The following HSPBP1 variants were observed in gnomAD, a reference collection of about 807,000 sequenced individuals.
The protein encoded by HSPBP1 is HSPA (Hsp70) binding protein 1.
Under a neutral mutation model 41.7 loss-of-function variants are expected in HSPBP1, and 31 were observed. The observed-to-expected ratio is 0.74, with a 90% CI of 0.56 to 1.00. HSPBP1 has a LOEUF of 1.00. Among genes scored for constraint, HSPBP1 ranks in the 50% least tolerant of loss-of-function variants. HSPBP1 has a pLI of 0.00. For synonymous variants in HSPBP1, 199 were observed against 214.4 expected, an observed-to-expected ratio of 0.93 and a Z score of 0.63; for missense variants, 439 against 487.9, an observed-to-expected ratio of 0.90 and a Z score of 0.94.
rs2087881312 is a variant in HSPBP1, at chr19:55,270,077, G to GCAT, written c.641-3792_641-3791insATG. 6.6e-6 allele frequency among the ~76,000 whole-genome samples: 1 copy of GCAT among 152,102 alleles called. No homozygotes were observed. Among genetic ancestry groups the GCAT allele is most frequent in the Admixed American group, 6.6e-5 (1 of 15,256 alleles). On this transcript the variant is annotated intron_variant, in intron 4 of 7. Coordinates refer to ENST00000433386, the MANE Select transcript of HSPBP1 (RefSeq NM_012267.5). This position sits in a 1 kb window ranked among gnomAD's most constrained non-coding sequence, Gnocchi z 5.4. Reference sequence around the variant, plus strand: ...GCACGGAACTCCAGTAATGGTACTGGACAGCCACACAATGGCATACCCTGC... The same window carrying GCAT: ...GCACGGAACTCCAGTAATGGTACTGGCATACAGCCACACAATGGCATACCCTGC...
At chr19:55,262,755 C>G in intron 7 of HSPBP1, 73 bp from the exon 8 acceptor site, 1 of 1,428,158 alleles carries the variant, frequency 7.0e-7, no homozygotes. Flanking sequence ...ATTCTTGGCA[C>G]CCAGAGGTGA....
At chr19:55,263,834 C>G (rs9676742) in intron 7 of HSPBP1, among the ~76,000 whole-genome samples, 2,985 of 152,242 alleles carry the variant, frequency 0.02, 107 homozygotes, top group African/African-American at 0.068. Context: ...CACTGTTTAC[C>G]CTCCTGCGGG....
intron 7 of HSPBP1, among the ~76,000 whole-genome samples, chr19:55,263,954 C>A (rs80323900): frequency 0.086 from 12,959 of 150,482 alleles, 599 homozygotes; most frequent in East Asian, 0.13. Context: ...GTCAAAACTT[C>A]TCATGTAGTA....
chr19:55,265,851 AC>A, intron 6 of HSPBP1, 34 bp downstream of exon 6: 1 of 1,453,416 alleles, frequency 6.9e-7, no homozygotes, highest in Non-Finnish European at 9.2e-7. Flanking sequence ...CGGGGCCCCC[AC>A]CCCAGGCCCC....
chr19:55,264,469 TTTG>T (rs1372331116), intron 7 of HSPBP1, among the ~76,000 whole-genome samples: 1 of 152,212 alleles, frequency 6.6e-6, no homozygotes, highest in Non-Finnish European at 1.5e-5. Flanking sequence ...TGATTTAGCA[TTTG>T]TTACTTATCT....
intron 3 of HSPBP1, 138 bp downstream of exon 3, chr19:55,277,504 G>T: frequency 1.2e-6 from 1 of 847,058 alleles, no homozygotes; most frequent in Non-Finnish European, 1.9e-6. Flanking sequence ...GCTCCTTATG[G>T]CAATGGAGGC....
chr19:55,265,440 T>A, intron 6 of HSPBP1, 51 bp from the exon 7 acceptor site: 1 of 1,429,354 alleles, frequency 7.0e-7, no homozygotes, highest in Non-Finnish European at 9.9e-7. Flanking sequence ...GAGGCCTCAC[T>A]GACCCAACCC....
At chr19:55,271,030 C>A (rs547023321) in intron 4 of HSPBP1, among the ~76,000 whole-genome samples, 200 of 152,142 alleles carry the variant, frequency 1.3e-3, no homozygotes, top group African/African-American at 4.7e-3. Context: ...ACACATCACA[C>A]ACACACCACA....
Position 55,279,575 on chromosome 19 carries a change from G to C in HSPBP1, c.34C>G (p.Pro12Ala), listed in dbSNP as rs2088176566. ...TGGGAGGCCGGGGGCAGCGCCAGGGGCAGGCGGCTCCCCCTTGAGCCTTCG... is the reference window on the plus strand; with the variant it reads ...TGGGAGGCCGGGGGCAGCGCCAGGGCCAGGCGGCTCCCCCTTGAGCCTTCG... ...SDEGSRGSRL[P>A]LALPPASQGC... The change falls in exon 2 of 8, where the codon CCC (proline) becomes GCC (alanine). Residue 12 changes from proline to alanine, a missense_variant. Physicochemically the swap from Pro to Ala is conservative, Grantham distance 27. Coordinates refer to ENST00000433386, the MANE Select transcript of HSPBP1 (RefSeq NM_012267.5). 6.2e-7 allele frequency: 1 copy of C among 1,601,004 alleles called. No individual in the cohort carries two copies. The highest frequency in any genetic ancestry group is 8.5e-7 in the Non-Finnish European group (1 of 1,174,256).
chr19:55,266,320 C>A, intron 4 of HSPBP1, 34 bp from the exon 5 acceptor site: 1 of 1,519,626 alleles, frequency 6.6e-7, no homozygotes, highest in Non-Finnish European at 8.9e-7. Context: ...AGCTTGCAGT[C>A]ACCACCACCA....
intron 2 of HSPBP1, among the ~76,000 whole-genome samples, chr19:55,278,568 G>A (rs1170696093): frequency 3.9e-5 from 6 of 152,204 alleles, no homozygotes; most frequent in South Asian, 2.1e-4. Flanking sequence ...CAGAAAGGTT[G>A]AGACTTACCC....
At position 55,270,355 on chromosome 19, in the gene HSPBP1, C is replaced by A. The variant is rs533518605; in HGVS notation, c.640+4043G>T. Among the ~76,000 whole-genome samples the A allele has an allele frequency of 6.6e-6, 1 of 152,230 alleles. No homozygotes were observed. The highest frequency in any genetic ancestry group is 2.1e-4 in the South Asian group (1 of 4,836). ...TGGTGGAAGCCCATCTCTAGCACCC[C>A]TTCCTCAGAGGGGGATTGTGAGGGA... is the stretch of plus-strand genomic sequence containing the variant. On this transcript the variant is annotated intron_variant, in intron 4 of 7. Coordinates refer to ENST00000433386, the MANE Select transcript of HSPBP1 (RefSeq NM_012267.5). This position sits in a 1 kb window ranked among gnomAD's most constrained non-coding sequence, Gnocchi z 5.4.
At chr19:55,277,998 G>T in intron 2 of HSPBP1, 152 bp from the exon 3 acceptor site, 1 of 710,378 alleles carries the variant, frequency 1.4e-6, no homozygotes, top group Non-Finnish European at 2.2e-6. Context: ...TGTAATCCCA[G>T]CACTTTGGGA....
Position 55,280,073 on chromosome 19 carries a change from A to G in HSPBP1, c.-133T>C, listed in dbSNP as rs1600160630. 4.2e-6 allele frequency: 1 copy of G among 236,730 alleles called. No homozygotes were observed. The highest frequency in any genetic ancestry group is 1.6e-4 in the East Asian group (1 of 6,184). The allele number at this position is 236,730 out of a possible 1,614,324, so 14.7% of individuals were successfully genotyped here. On this transcript the variant is annotated 5_prime_UTR_variant, in exon 1 of 8. Coordinates refer to ENST00000433386, the MANE Select transcript of HSPBP1 (RefSeq NM_012267.5). The stretch of plus-strand genomic sequence containing the variant: ...CAAGCCGCCGCTGCTCCTACAGACA[A>G]AGTCGTCCGCACCTGACTCTGCTGG...
Position 55,274,570 on chromosome 19 carries a change from C to A in HSPBP1, c.468G>T (p.Ala156=). The A allele has an allele frequency of 6.2e-7, 1 of 1,608,910 alleles. No individual in the cohort carries two copies. The change falls in exon 4 of 8, where the codon GCG becomes GCT. Residue 156 remains alanine, a synonymous_variant. Transcript: ENST00000433386. ...MHLLVGRYLE[A]GAAGLRWRAA... is the part of the protein sequence containing the mutation. ...CCCGCCACCGCAGTCCCGCAGCCCC[C>A]GCCTCCAGGTACCGGCCCACCAGCA...
chr19:55,270,404 C>T lies in HSPBP1; in HGVS notation c.640+3994G>A, dbSNP rs562694070. The stretch of plus-strand genomic sequence containing the variant: ...GATCAATGAGGTGCAGCGCACAGGG[C>T]TTAGTGCAATGAGACCTTCAGGGAA... On this transcript the variant is annotated intron_variant, in intron 4 of 7. Transcript: ENST00000433386. This position sits in a 1 kb window ranked among gnomAD's most constrained non-coding sequence, Gnocchi z 5.4. Among the ~76,000 whole-genome samples the T allele has an allele frequency of 5.3e-5, 8 of 152,282 alleles. No individual in the cohort carries two copies. Among genetic ancestry groups the T allele is most frequent in the African/African-American group, 1.4e-4 (6 of 41,562 alleles).
chr19:55,277,570 T>C, intron 3 of HSPBP1, 72 bp downstream of exon 3: 3 of 1,464,270 alleles, frequency 2.0e-6, no homozygotes. Flanking sequence ...GCCCCAAGAG[T>C]AGGGGCAAGA....
Position 55,268,432 on chromosome 19 carries a change from C to A in HSPBP1, c.641-2146G>T, listed in dbSNP as rs541603950. ...GCAAAAAGAGCGAAACTCCATCTCA[C>A]ACACACACAAAAAGAAAACCAAAAA... On this transcript the variant is annotated intron_variant, in intron 4 of 7. Transcript: ENST00000433386. The surrounding 1 kb of genome is among the most constrained non-coding windows in gnomAD (Gnocchi z 4.5). Among the ~76,000 whole-genome samples the A allele has an allele frequency of 2.6e-5, 4 of 151,922 alleles. No individual in the cohort carries two copies. Among genetic ancestry groups the A allele is most frequent in the Non-Finnish European group, 5.9e-5 (4 of 67,978 alleles).
intron 7 of HSPBP1, 151 bp from the exon 8 acceptor site, chr19:55,262,833 A>C (rs1489288379): frequency 1.5e-6 from 1 of 672,860 alleles, no homozygotes; most frequent in East Asian, 2.8e-5. Flanking sequence ...ATCACTGCTC[A>C]GATCCATGAT....
Sources: allele counts gnomAD v4.1 joint callset (sites outside exome capture counted in the v4.1 genomes callset), GRCh38; gene constraint gnomAD v4.1.1; non-coding constraint Gnocchi (gnomAD v3.1); transcripts MANE v1.5; gene names NCBI Gene and HGNC (gene_info 2026-07-23, HGNC 2026-07-21).